ZC4H2: variants seen among roughly 807,000 people sequenced by gnomAD.
The protein encoded by ZC4H2 is zinc finger C4H2-type containing.
For synonymous variants in ZC4H2, 84 were observed against 66.3 expected, an observed-to-expected ratio of 1.27 and a Z score of -1.30; for missense variants, 137 against 173.9, an observed-to-expected ratio of 0.79 and a Z score of 1.19.
chrX:64,953,152 C>T (rs1287880590), intron 1 of ZC4H2, among the ~76,000 whole-genome samples: 1 of 112,054 alleles, frequency 8.9e-6, no homozygotes, highest in East Asian at 2.8e-4. Flanking sequence ...CTTCCTTACA[C>T]CTTATACAAA....
At position 64,940,082 on chromosome X, in the gene ZC4H2, C is replaced by T. The variant is rs993001482; in HGVS notation, c.54-18094G>A. On this transcript the variant is annotated intron_variant, in intron 1 of 4. Transcript: ENST00000374839. Reference sequence around the variant, plus strand: ...CTCTCCAGCTTCTGTTGTTTCCTGACGTTTTAATGATCACCATTCTAACTG... The same window carrying T: ...CTCTCCAGCTTCTGTTGTTTCCTGATGTTTTAATGATCACCATTCTAACTG... Among the ~76,000 whole-genome samples, 5 of 111,740 alleles carry T rather than the reference C, an allele frequency of 4.5e-5. No homozygotes were observed. The Admixed American group carries it at 4.8e-4, about 11-fold the overall frequency.
chrX:64,981,075 C>G (rs930711258), upstream of ZC4H2, among the ~76,000 whole-genome samples: 72 of 108,734 alleles, frequency 6.6e-4, no homozygotes, highest in African/African-American at 2.4e-3. Context: ...AACGAATAGC[C>G]GGTGCAATGG....
intron 1 of ZC4H2, among the ~76,000 whole-genome samples, chrX:65,030,089 T>G (rs772286816): frequency 8.9e-6 from 1 of 111,897 alleles, no homozygotes; most frequent in East Asian, 2.8e-4. Context: ...AGGAATTACT[T>G]CAATTCTGGA....
chrX:64,964,489 T>A (rs1280428897), intron 1 of ZC4H2, among the ~76,000 whole-genome samples: 1 of 111,382 alleles, frequency 9.0e-6, no homozygotes, highest in African/African-American at 3.3e-5. Flanking sequence ...TCAAAGAATG[T>A]TGGAAGCAAG....
intron 1 of ZC4H2, among the ~76,000 whole-genome samples, chrX:65,033,686 T>A (rs1351122815): frequency 8.9e-6 from 1 of 112,479 alleles, no homozygotes; most frequent in Middle Eastern, 4.2e-3. Flanking sequence ...GTAAGTTATG[T>A]ATGTTAAGTG....
intron 1 of ZC4H2, among the ~76,000 whole-genome samples, chrX:64,962,936 G>T (rs1423420231): frequency 9.0e-6 from 1 of 111,275 alleles, no homozygotes; most frequent in Non-Finnish European, 1.9e-5. Context: ...GCAATCTACA[G>T]ATTCAATATA....
At chrX:64,946,581 G>GCACACACACA (rs61275459) in intron 1 of ZC4H2, among the ~76,000 whole-genome samples, 12 of 95,879 alleles carry the variant, frequency 1.3e-4, no homozygotes, top group African/African-American at 3.8e-4. Flanking sequence ...TTAAATGCGT[G>GCACACACACA]CACACACACA....
At chrX:64,992,786 CT>C (rs1388535342) in intron 1 of ZC4H2, among the ~76,000 whole-genome samples, 1 of 111,613 alleles carries the variant, frequency 9.0e-6, no homozygotes, top group Non-Finnish European at 1.9e-5. Context: ...CTCCAACCTG[CT>C]TTTACCGTCT....
At chrX:64,954,356 T>A (rs6524948) in intron 1 of ZC4H2, among the ~76,000 whole-genome samples, 2,685 of 67,217 alleles carry the variant, frequency 0.04, 610 homozygotes, top group African/African-American at 0.36. Flanking sequence ...ATATATATAA[T>A]TATATATATA....
At chrX:64,922,258 A>G in intron 1 of ZC4H2, 1 of 308,238 alleles carries the variant, frequency 3.2e-6, no homozygotes, top group South Asian at 1.6e-4. Context: ...AAAAAAAAAA[A>G]AGAAAAAGAA....
At chrX:64,979,327 C>T (rs1285842018), upstream of ZC4H2, among the ~76,000 whole-genome samples, 1 of 112,486 alleles carries the variant, frequency 8.9e-6, no homozygotes, top group Non-Finnish European at 1.9e-5. Context: ...CAAGCATGTC[C>T]CATGCTTCCA....
intron 1 of ZC4H2, among the ~76,000 whole-genome samples, chrX:64,970,257 C>G (rs1931730292): frequency 8.9e-6 from 1 of 112,210 alleles, no homozygotes; most frequent in African/African-American, 3.2e-5. Context: ...ACAGTTCATT[C>G]TGATAACTTT....
At chrX:65,027,239 A>G (rs1204189190) in intron 1 of ZC4H2, among the ~76,000 whole-genome samples, 2 of 111,983 alleles carry the variant, frequency 1.8e-5, no homozygotes, top group Non-Finnish European at 3.8e-5. Context: ...AGATTATGAA[A>G]AGTAATGTGG....
chrX:64,972,445 C>A (rs1448187305), intron 1 of ZC4H2, among the ~76,000 whole-genome samples: 5 of 111,732 alleles, frequency 4.5e-5, no homozygotes, highest in Non-Finnish European at 1.9e-5. Flanking sequence ...TGCTTCTGTC[C>A]AGCAAACATT....
intron 1 of ZC4H2, among the ~76,000 whole-genome samples, chrX:65,017,604 G>A (rs1055157055): frequency 5.4e-5 from 6 of 111,897 alleles, no homozygotes; most frequent in Non-Finnish European, 9.4e-5. Context: ...GCCAGAGGAG[G>A]TTTCACCAGA....
At chrX:64,952,723 C>G (rs1404872045) in intron 1 of ZC4H2, among the ~76,000 whole-genome samples, 2 of 108,954 alleles carry the variant, frequency 1.8e-5, no homozygotes, top group Non-Finnish European at 3.8e-5. Context: ...GAATCAATAT[C>G]GTGAAAATGG....
chrX:64,989,867 G>A (rs767558091), intron 1 of ZC4H2, among the ~76,000 whole-genome samples: 1 of 111,677 alleles, frequency 9.0e-6, no homozygotes, highest in African/African-American at 3.3e-5. Flanking sequence ...TTAAAAAATG[G>A]TGACAATACC....
intron 1 of ZC4H2, among the ~76,000 whole-genome samples, chrX:64,956,840 C>G (rs1212894895): frequency 8.9e-6 from 1 of 112,303 alleles, no homozygotes; most frequent in Non-Finnish European, 1.9e-5. Flanking sequence ...TCTACTCTGT[C>G]CTTGTTCCCA....
intron 4 of ZC4H2, 99 bp from the exon 5 acceptor site, chrX:64,917,995 T>C: frequency 1.0e-6 from 1 of 1,000,139 alleles, no homozygotes; most frequent in Non-Finnish European, 1.4e-6. Flanking sequence ...CAAAGTGATT[T>C]CCCATCAGAA....
Sources: gnomAD v4.1 joint callset for allele counts (sites outside exome capture counted in the v4.1 genomes callset) on GRCh38, gnomAD v4.1.1 for gene constraint, MANE v1.5 for transcripts, NCBI Gene and HGNC (gene_info 2026-07-23, HGNC 2026-07-21) for gene names.